CERT1: variants seen among roughly 807,000 people sequenced by gnomAD.
The protein encoded by CERT1 is ceramide transporter 1.
CERT1 carries 31 observed loss-of-function variants against 87.9 expected under a neutral mutation model. That is an observed-to-expected ratio of 0.35 (90% CI 0.27 to 0.48). CERT1 has a LOEUF of 0.48. Ranked by LOEUF, CERT1 falls within the 20% of genes least tolerant of loss-of-function variation. The pLI is 0.99. For synonymous variants in CERT1, 289 were observed against 250.9 expected (o/e 1.15, Z -1.44); for missense variants, 487 against 758.0 (o/e 0.64, Z 4.20).
chr5:75,426,399 T>C lies in CERT1; in HGVS notation c.428A>G (p.Tyr143Cys). The change falls in exon 4 of 17, where the codon TAC becomes TGC. Residue 143 changes from tyrosine (Y) to cysteine (C), a missense_variant. Around this residue, in one of 8 missense-constraint regions of CERT1, gnomAD observed 173 missense variants for 302.2 expected, o/e 0.57. Coordinates refer to ENST00000643780, the MANE Select transcript of CERT1 (RefSeq NM_001379029.1). ...MVSLVSGASG[Y>C]SATSTSSFKK... ...GAATGAAGAGGTGGATGTTGCAGAG[T>C]AGCCACTTGCTCCAGACACCAGGGA... is the stretch of plus-strand genomic sequence containing the variant. 1 of 1,613,462 alleles carries C rather than the reference T, an allele frequency of 6.2e-7. No individual in the cohort carries two copies. The highest frequency in any genetic ancestry group is 8.5e-7 in the Non-Finnish European group (1 of 1,179,596).
At chr5:75,439,641 T>C (rs1436645104) in intron 3 of CERT1, among the ~76,000 whole-genome samples, 1 of 152,012 alleles carries the variant, frequency 6.6e-6, no homozygotes, top group Admixed American at 6.5e-5. Flanking sequence ...GAAAATAAAA[T>C]TCTGAAACCC....
chr5:75,489,760 A>C (rs890084717), intron 2 of CERT1, among the ~76,000 whole-genome samples: 2 of 152,226 alleles, frequency 1.3e-5, no homozygotes, highest in Admixed American at 1.3e-4. Context: ...GATGTGGAGA[A>C]ATAGGAACGC....
chr5:75,473,468 G>A (rs1443447495), intron 2 of CERT1, among the ~76,000 whole-genome samples: 1 of 149,014 alleles, frequency 6.7e-6, no homozygotes, highest in Non-Finnish European at 1.5e-5. Context: ...AACAAGCCTG[G>A]CACAGACAGA....
At chr5:75,459,279 G>C in intron 2 of CERT1, 98 bp from the exon 3 acceptor site, 2 of 670,664 alleles carry the variant, frequency 3.0e-6, no homozygotes, top group Non-Finnish European at 5.4e-6. Context: ...TTCTGTGCTG[G>C]TGGGAGACTT....
intron 3 of CERT1, among the ~76,000 whole-genome samples, chr5:75,450,464 A>T (rs1193849544): frequency 6.6e-6 from 1 of 152,184 alleles, no homozygotes; most frequent in Non-Finnish European, 1.5e-5. Flanking sequence ...TTTCTTTGAC[A>T]TATTTTGAAA....
chr5:75,511,707 C>T, upstream of CERT1: 1 of 1,544,776 alleles, frequency 6.5e-7, no homozygotes, highest in Non-Finnish European at 8.7e-7. Flanking sequence ...GTCCCCCTCC[C>T]GGCGTCTGAC....
At chr5:75,505,187 T>C (rs1767593839) in intron 2 of CERT1, 1 of 152,268 alleles carries the variant, frequency 6.6e-6, no homozygotes, top group Non-Finnish European at 1.5e-5. Flanking sequence ...CTTGGGAGGC[T>C]GAAGCAGAAG....
At chr5:75,423,821 C>T (rs866790627) in intron 5 of CERT1, among the ~76,000 whole-genome samples, 10 of 151,718 alleles carry the variant, frequency 6.6e-5, no homozygotes, top group South Asian at 2.1e-4. Flanking sequence ...AACAAAACCA[C>T]GAGTTATACC....
chr5:75,431,816 T>C (rs1441325509), intron 3 of CERT1, among the ~76,000 whole-genome samples: 4 of 152,202 alleles, frequency 2.6e-5, no homozygotes, highest in African/African-American at 9.7e-5. Context: ...CAGTCTACTG[T>C]TGATGGGCAT....
At chr5:75,416,346 C>G (rs1267283484) in intron 7 of CERT1, among the ~76,000 whole-genome samples, 1 of 152,118 alleles carries the variant, frequency 6.6e-6, no homozygotes. Context: ...CCATGCTTCA[C>G]ACTAGAAACT....
rs183132963 is a variant in CERT1, at chr5:75,414,924, T to C, written c.837+1952A>G. The stretch of plus-strand genomic sequence containing the variant: ...GAATGAAACAATTTCAGTGAAACCA[T>C]ATTGTTATCATTGTACTTTCTTTCT... On this transcript the variant is annotated intron_variant, in intron 7 of 16. Transcript: ENST00000643780. 1.5e-3 allele frequency among the ~76,000 whole-genome samples: 235 copies of C among 152,212 alleles called. 2 individuals are homozygous for C. The highest frequency in any genetic ancestry group is 5.2e-3 in the African/African-American group (218 of 41,548).
intron 11 of CERT1, among the ~76,000 whole-genome samples, chr5:75,398,202 T>C (rs188413147): frequency 1.1e-4 from 16 of 152,292 alleles, no homozygotes; most frequent in African/African-American, 3.6e-4. Flanking sequence ...TTCTTCTCTA[T>C]TGCAGGTTAA....
intron 2 of CERT1, among the ~76,000 whole-genome samples, chr5:75,486,534 G>A (rs1477883627): frequency 1.3e-5 from 2 of 151,950 alleles, no homozygotes; most frequent in Non-Finnish European, 2.9e-5. Context: ...TATATGAATT[G>A]GAAAGAAAGA....
chr5:75,371,897 T>C (rs1251488563), intron 17 of CERT1: 1 of 152,244 alleles, frequency 6.6e-6, no homozygotes, highest in Non-Finnish European at 1.5e-5. Flanking sequence ...AGAAGGCCAG[T>C]ACCTCTCCAA....
rs1229786564 is a variant in CERT1 at position 75,377,965 on chromosome 5, G to GA, written c.*1380dup. 3 of 152,130 alleles carry GA rather than the reference G, an allele frequency of 2.0e-5. No individual in the cohort carries two copies. The highest frequency in any genetic ancestry group is 4.4e-5 in the Non-Finnish European group (3 of 68,044). The allele number at this position is 152,130 out of a possible 1,614,324, so 9.4% of individuals were successfully genotyped here. A position where few individuals can be genotyped will look rare whatever the true frequency, so the allele number is the denominator to read the frequency against. On this transcript the variant is annotated 3_prime_UTR_variant, in exon 17 of 17. Transcript: ENST00000643780. ...ACCACGCCTAATTGTTTTTTGTCAA[G>GA]ATGGAATCTTGCTATGTTATCCAGG... is the stretch of plus-strand genomic sequence containing the variant.
At chr5:75,480,045 T>C (rs1301089739) in intron 2 of CERT1, among the ~76,000 whole-genome samples, 1 of 152,132 alleles carries the variant, frequency 6.6e-6, no homozygotes, top group Non-Finnish European at 1.5e-5. Flanking sequence ...CCATGGACCT[T>C]ACCTTCTAGT....
At chr5:75,445,022 G>A (rs1329175604) in intron 3 of CERT1, among the ~76,000 whole-genome samples, 2 of 151,902 alleles carry the variant, frequency 1.3e-5, no homozygotes, top group Non-Finnish European at 1.5e-5. Flanking sequence ...CTACTCCTTT[G>A]AAGCTCTGTC....
At chr5:75,432,804 T>G (rs1763929978) in intron 3 of CERT1, among the ~76,000 whole-genome samples, 1 of 152,236 alleles carries the variant, frequency 6.6e-6, no homozygotes, top group Non-Finnish European at 1.5e-5. Context: ...TGTCCTAGAT[T>G]TCCTACTTGG....
At chr5:75,452,184 T>C (rs922286205) in intron 3 of CERT1, among the ~76,000 whole-genome samples, 154 of 152,276 alleles carry the variant, frequency 1.0e-3, no homozygotes, top group African/African-American at 3.4e-3. Context: ...GACAAGACAA[T>C]TGCCTCTAGA....
Sources: allele counts gnomAD v4.1 joint callset (sites outside exome capture counted in the v4.1 genomes callset), GRCh38; gene constraint gnomAD v4.1.1; regional missense constraint gnomAD v4.1.1; transcripts MANE v1.5; gene names NCBI Gene and HGNC (gene_info 2026-07-23, HGNC 2026-07-21).